Variants in DST observed in about 807,000 individuals in gnomAD.
The protein encoded by DST is dystonin.
A neutral mutation model predicts 875.2 loss-of-function variants in DST; 253 were observed. The ratio of observed to expected loss-of-function variants is 0.29; its 90% CI spans 0.26 to 0.32. The LOEUF is 0.32. DST is among the 10% of genes least tolerant of loss of function. The pLI is 1.00. For missense variants in DST, 8,287 were observed against 9,111.6 expected (o/e 0.91, Z 3.68); for synonymous variants, 3,124 against 3,197.1 (o/e 0.98, Z 0.77).
chr6:56,733,794 A>C (rs1231793042), intron 5 of DST, among the ~76,000 whole-genome samples: 1 of 152,184 alleles, frequency 6.6e-6, no homozygotes, highest in Non-Finnish European at 1.5e-5. Flanking sequence ...GCCTGTCTGG[A>C]GACTAACCTC....
At chr6:56,770,629 A>G (rs1425170800) in intron 4 of DST, among the ~76,000 whole-genome samples, 1 of 152,156 alleles carries the variant, frequency 6.6e-6, no homozygotes, top group Non-Finnish European at 1.5e-5. Context: ...GAAATGATGA[A>G]CCAGGATTTT....
At chr6:56,794,928 T>A (rs555083739) in intron 4 of DST, among the ~76,000 whole-genome samples, 6 of 152,254 alleles carry the variant, frequency 3.9e-5, no homozygotes, top group Admixed American at 1.3e-4. Flanking sequence ...CCCAGCCAGA[T>A]CCTATGGTAA....
intron 4 of DST, among the ~76,000 whole-genome samples, chr6:56,828,194 G>A (rs956179318): frequency 9.9e-5 from 15 of 152,198 alleles, no homozygotes; most frequent in Non-Finnish European, 2.1e-4. Context: ...CCCGGAGCCT[G>A]GATCTTATAG....
Position 56,572,265 on chromosome 6 carries a change from T to A in DST, c.13556A>T (p.Glu4519Val), listed in dbSNP as rs2097790509. The A allele has an allele frequency of 1.3e-6, 2 of 1,553,276 alleles. No individual in the cohort carries two copies. Among genetic ancestry groups the A allele is most frequent in the Non-Finnish European group, 1.7e-6 (2 of 1,148,468 alleles). Residue 4519 changes from glutamate (E) to valine (V), a missense_variant and splice_region_variant, in exon 53 of 104, where the codon GAA becomes GTA. Physicochemically the swap from Glu to Val is moderately radical, Grantham distance 121 (BLOSUM62 -2). Coordinates refer to ENST00000680361, the MANE Select transcript of DST (RefSeq NM_001374736.1). ...GTGTTCTAAAAATTCAGAAGTTGAT[T>A]CCTACAAAGCATTAAGATATTCAGT... ...DVTELSQYMQ[E>V]STSEFLEHKK...
intron 4 of DST, among the ~76,000 whole-genome samples, chr6:56,786,163 G>T (rs1054425951): frequency 6.6e-6 from 1 of 152,086 alleles, no homozygotes; most frequent in Non-Finnish European, 1.5e-5. Context: ...ATTTGGGGGG[G>T]AGGGGTTGAA....
chr6:56,527,499 T>A lies in DST; in HGVS notation c.17916A>T (p.Arg5972Ser). 1 of 1,613,238 alleles carries A rather than the reference T, an allele frequency of 6.2e-7. No homozygotes were observed. Among genetic ancestry groups the A allele is most frequent in the African/African-American group, 1.3e-5 (1 of 75,018 alleles). ...KGEEASQAQM[R>S]PKELKKEAKN... ...TGCAGAAATCAGAGCTTACCTTTGG[T>A]CTCATTTGTGCTTGACTTGCTTCTT... The change falls in exon 68 of 104, where the codon AGA becomes AGT. Residue 5972 changes from arginine (R) to serine (S), a missense_variant. This residue lies in a region of DST where 777 missense variants were observed against 764.8 expected (regional missense o/e 1.02). Transcript: ENST00000680361.
At chr6:56,662,020 T>A (rs1276234180) in intron 10 of DST, among the ~76,000 whole-genome samples, 2 of 152,172 alleles carry the variant, frequency 1.3e-5, no homozygotes, top group African/African-American at 4.8e-5. Context: ...ACATAGGCCT[T>A]CAATTTCATC....
intron 81 of DST, 24 bp from the exon 82 acceptor site, chr6:56,497,531 T>A (rs73749938): frequency 1.2e-6 from 2 of 1,609,534 alleles, no homozygotes; most frequent in African/African-American, 1.3e-5. Context: ...CAGTTTTAAG[T>A]TGGGGCCATA....
At chr6:56,671,015 C>T (rs1325784887) in intron 9 of DST, among the ~76,000 whole-genome samples, 1 of 152,150 alleles carries the variant, frequency 6.6e-6, no homozygotes, top group Non-Finnish European at 1.5e-5. Context: ...AAACCATTAG[C>T]TATTCTATAT....
intron 2 of DST, among the ~76,000 whole-genome samples, chr6:56,939,720 C>T (rs1322338738): frequency 6.6e-6 from 1 of 151,532 alleles, no homozygotes; most frequent in East Asian, 1.9e-4. Context: ...ATTACTCTTC[C>T]AATAAAAATT....
At chr6:56,521,295 A>G (rs1026681352) in intron 69 of DST, among the ~76,000 whole-genome samples, 9 of 151,984 alleles carry the variant, frequency 5.9e-5, no homozygotes, top group African/African-American at 2.2e-4. Flanking sequence ...AAATACTGCA[A>G]GATATCTGAA....
intron 3 of DST, chr6:56,871,157 T>C: frequency 1.5e-6 from 1 of 688,826 alleles, no homozygotes; most frequent in South Asian, 1.6e-5. Flanking sequence ...GGGCTCTTCC[T>C]CTTCCCCTAA....
intron 3 of DST, among the ~76,000 whole-genome samples, chr6:56,859,896 C>A (rs959257595): frequency 6.6e-6 from 1 of 152,092 alleles, no homozygotes; most frequent in Non-Finnish European, 1.5e-5. Flanking sequence ...TAAATCAAGT[C>A]GAGCCTCCGC....
intron 60 of DST, among the ~76,000 whole-genome samples, chr6:56,554,751 C>A (rs910958061): frequency 5.3e-5 from 8 of 152,104 alleles, no homozygotes; most frequent in African/African-American, 1.9e-4. Flanking sequence ...CTACTAGGTG[C>A]AAGAAACTAG....
intron 37 of DST, among the ~76,000 whole-genome samples, chr6:56,613,899 A>C (rs1237288755): frequency 6.6e-6 from 1 of 152,190 alleles, no homozygotes; most frequent in Non-Finnish European, 1.5e-5. Context: ...AGCACAACTA[A>C]AGTCAATAAT....
chr6:56,613,651 G>A (rs966102256), intron 37 of DST, among the ~76,000 whole-genome samples: 22 of 152,274 alleles, frequency 1.4e-4, no homozygotes, highest in African/African-American at 5.3e-4. Flanking sequence ...CAATCCCACT[G>A]CTATCACCAG....
chr6:56,938,459 G>T (rs564210719), intron 2 of DST, among the ~76,000 whole-genome samples: 1 of 152,150 alleles, frequency 6.6e-6, no homozygotes, highest in African/African-American at 2.4e-5. Flanking sequence ...GCCTAAAAAC[G>T]TCTGGTAGAA....
intron 4 of DST, among the ~76,000 whole-genome samples, chr6:56,771,599 T>A (rs186394726): frequency 1.1e-4 from 16 of 152,324 alleles, no homozygotes; most frequent in African/African-American, 3.8e-4. Flanking sequence ...ATGGACAAGA[T>A]GTTGAGGCTC....
Position 56,604,956 on chromosome 6 carries a change from A to G in DST, c.9672T>C (p.Asn3224=), listed in dbSNP as rs1248844058. The change falls in exon 40 of 104, where the codon AAT becomes AAC. Residue 3224 remains asparagine, a synonymous_variant. Coordinates refer to ENST00000680361, the MANE Select transcript of DST (RefSeq NM_001374736.1). ...MKEHLQLGVN[N]TKEKSTSTQK... ...GGGTACTAGTGGACTTCTCTTTTGT[A>G]TTATTAACTCCTAATTGTAAATGTT... 1 of 1,612,758 alleles carries G rather than the reference A, an allele frequency of 6.2e-7. No individual in the cohort carries two copies. Among genetic ancestry groups the G allele is most frequent in the South Asian group, 1.1e-5 (1 of 91,036 alleles).
Sources: allele counts gnomAD v4.1 joint callset (sites outside exome capture counted in the v4.1 genomes callset), GRCh38; gene constraint gnomAD v4.1.1; regional missense constraint gnomAD v4.1.1; transcripts MANE v1.5; gene names NCBI Gene and HGNC (gene_info 2026-07-23, HGNC 2026-07-21).